ZFP1: variants seen among roughly 807,000 people sequenced by gnomAD.
The protein encoded by ZFP1 is ZFP1 zinc finger protein, also known as zinc finger protein 1 homolog.
Under a neutral mutation model 38.5 loss-of-function variants are expected in ZFP1, and 32 were observed. That is an observed-to-expected ratio of 0.83 (90% CI 0.63 to 1.12). ZFP1 has a LOEUF of 1.12. ZFP1 is among the 50% of genes most tolerant of loss of function. The pLI, the probability that ZFP1 is intolerant of heterozygous loss-of-function variation, is 0.00. For synonymous variants in ZFP1, 245 were observed against 168.8 expected, an observed-to-expected ratio of 1.45 and a Z score of -3.50; for missense variants, 616 against 480.8, an observed-to-expected ratio of 1.28 and a Z score of -2.63.
intron 2 of ZFP1, among the ~76,000 whole-genome samples, chr16:75,160,656 CAA>C (rs71158584): frequency 5.2e-3 from 524 of 101,538 alleles, no homozygotes; most frequent in African/African-American, 0.012. Context: ...GAGACTGCCT[CAA>C]AAAAAAAAAA....
chr16:75,131,208 C>G, the ZFP1 span, among the ~76,000 whole-genome samples: 1 of 152,104 alleles, frequency 6.6e-6, no homozygotes, highest in Non-Finnish European at 1.5e-5. Flanking sequence ...TTAGAGTGGG[C>G]CACCCTCAGG....
chr16:75,146,049 G>C (rs2036939590), upstream of ZFP1, among the ~76,000 whole-genome samples: 1 of 152,198 alleles, frequency 6.6e-6, no homozygotes, highest in Non-Finnish European at 1.5e-5. Flanking sequence ...CTCCCATAAG[G>C]GGTTTTAGCA....
chr16:75,134,924 C>T, the ZFP1 span, among the ~76,000 whole-genome samples: 7 of 151,228 alleles, frequency 4.6e-5, no homozygotes, highest in Non-Finnish European at 1.0e-4. Context: ...TGTGGTGGCG[C>T]ATGCCTGTAA....
chr16:75,165,686 G>A (rs1048414381), intron 2 of ZFP1, among the ~76,000 whole-genome samples: 58 of 151,990 alleles, frequency 3.8e-4, no homozygotes, highest in African/African-American at 1.4e-3. Context: ...GCCACCTCTG[G>A]GGTTTTAAAT....
At chr16:75,152,484 A>C (rs554484948) in intron 1 of ZFP1, among the ~76,000 whole-genome samples, 53 of 150,508 alleles carry the variant, frequency 3.5e-4, no homozygotes, top group Non-Finnish European at 6.4e-4. Flanking sequence ...TGAAAGATCA[A>C]CTCTGTTACT....
In ZFP1 at chr16:75,171,940, C is replaced by T; in HGVS notation, c.*1606C>T. 6.6e-6 allele frequency: 1 copy of T among 152,162 alleles called. No individual in the cohort carries two copies. The highest frequency in any genetic ancestry group is 2.1e-4 in the South Asian group (1 of 4,834). 9.4% of individuals were successfully genotyped at this position (152,162 alleles called of 1,614,324 possible). On this transcript the variant is annotated 3_prime_UTR_variant, in exon 4 of 4. Transcript: ENST00000570010. ...TATACTCTTACAACCTAGGAATCTCCTGGGAATCTATCCCTAAGGAATAAA... is the reference window on the plus strand; with the variant it reads ...TATACTCTTACAACCTAGGAATCTCTTGGGAATCTATCCCTAAGGAATAAA...
At position 75,169,369 on chromosome 16, in the gene ZFP1, G is replaced by A; in HGVS notation, c.259G>A (p.Gly87Arg). The change falls in exon 4 of 4, where the codon GGA becomes AGA. Residue 87 changes from glycine (G) to arginine (R), a missense_variant. By Grantham distance (125) the Gly-to-Arg change is moderately radical. Transcript: ENST00000570010. ...AATTGAGGAAAGAGGCGATCTCTTT[G>A]GAAAAGCACTTAATCTGAACACAGA... ...TPIEERGDLFGKALNLNTDFV... is the reference protein window; with the variant it reads ...TPIEERGDLFRKALNLNTDFV... The A allele has an allele frequency of 6.2e-7, 1 of 1,614,052 alleles. No individual in the cohort carries two copies. The highest frequency in any genetic ancestry group is 8.5e-7 in the Non-Finnish European group (1 of 1,180,002).
the ZFP1 span, among the ~76,000 whole-genome samples, chr16:75,121,932 T>A: frequency 5.3e-5 from 8 of 152,200 alleles, no homozygotes; most frequent in Non-Finnish European, 8.8e-5. Flanking sequence ...GTTTCATACT[T>A]ATCCCTGCCA....
chr16:75,125,608 C>T, the ZFP1 span, among the ~76,000 whole-genome samples: 57,420 of 151,986 alleles, frequency 0.38, 12,168 homozygotes, highest in Middle Eastern at 0.55. Flanking sequence ...CAGGCCTGAG[C>T]CACCGTGCCC....
intron 2 of ZFP1, among the ~76,000 whole-genome samples, chr16:75,164,809 G>GT (rs35922943): frequency 0.021 from 660 of 31,544 alleles, 12 homozygotes; most frequent in Admixed American, 0.11. Flanking sequence ...GTTTCCATAA[G>GT]TTTTTTTTTT....
chr16:75,133,916 GTGCA>G, the ZFP1 span, among the ~76,000 whole-genome samples: 6,255 of 152,124 alleles, frequency 0.041, 447 homozygotes, highest in African/African-American at 0.14. Context: ...AGGCGTGCTG[GTGCA>G]TGCCTGTAGC....
the ZFP1 span, among the ~76,000 whole-genome samples, chr16:75,125,847 A>C: frequency 6.6e-6 from 1 of 151,978 alleles, no homozygotes; most frequent in Non-Finnish European, 1.5e-5. Context: ...GTTCAGGACC[A>C]GCCTGGCTAA....
intron 2 of ZFP1, among the ~76,000 whole-genome samples, chr16:75,155,931 G>GT (rs905186798): frequency 5.3e-5 from 8 of 151,518 alleles, no homozygotes; most frequent in East Asian, 1.9e-4. Context: ...ATTGGTGGAG[G>GT]TTTTTTTTTC....
At chr16:75,149,809 G>T (rs1432716256) in intron 1 of ZFP1, among the ~76,000 whole-genome samples, 4 of 147,174 alleles carry the variant, frequency 2.7e-5, no homozygotes, top group African/African-American at 1.1e-4. Context: ...TTTCTTTTCT[G>T]TTGTTGTTGT....
At chr16:75,150,893 CA>C (rs2037167141) in intron 1 of ZFP1, among the ~76,000 whole-genome samples, 1 of 152,184 alleles carries the variant, frequency 6.6e-6, no homozygotes, top group Non-Finnish European at 1.5e-5. Flanking sequence ...GGTTCAGTCA[CA>C]GCTGTCTGCA....
intron 1 of ZFP1, chr16:75,149,278 G>A (rs553533197): frequency 1.3e-5 from 2 of 152,292 alleles, no homozygotes; most frequent in African/African-American, 2.4e-5. Flanking sequence ...GTGAGCAGCA[G>A]ATATTTTTTC....
At chr16:75,165,705 T>G (rs1245675375) in intron 2 of ZFP1, among the ~76,000 whole-genome samples, 2 of 152,120 alleles carry the variant, frequency 1.3e-5, no homozygotes, top group Non-Finnish European at 2.9e-5. Flanking sequence ...ATCAGTTTTG[T>G]TATATGCTGA....
upstream of ZFP1, among the ~76,000 whole-genome samples, chr16:75,145,990 C>G (rs1470450314): frequency 1.3e-5 from 2 of 152,240 alleles, no homozygotes. Flanking sequence ...GGGCCAGAGC[C>G]CAAAGGTGCT....
intron 2 of ZFP1, among the ~76,000 whole-genome samples, chr16:75,164,310 C>T (rs1051045788): frequency 3.3e-5 from 5 of 152,158 alleles, no homozygotes; most frequent in Non-Finnish European, 7.4e-5. Flanking sequence ...TCCTTCTCTG[C>T]TTATTTCCAC....
Sources: gnomAD v4.1 joint callset for allele counts (sites outside exome capture counted in the v4.1 genomes callset) on GRCh38, gnomAD v4.1.1 for gene constraint, MANE v1.5 for transcripts, NCBI Gene and HGNC (gene_info 2026-07-23, HGNC 2026-07-21) for gene names.